LZTS1: variants seen among roughly 807,000 people sequenced by gnomAD.
LZTS1 encodes the protein leucine zipper tumor suppressor 1.
Under a neutral mutation model 45.8 loss-of-function variants are expected in LZTS1, and 31 were observed. That is an observed-to-expected ratio of 0.68 (90% CI 0.51 to 0.91). The LOEUF (loss-of-function observed/expected upper bound fraction) is 0.91, where lower values mean the gene tolerates loss of function less well. LZTS1 is among the 40% of genes least tolerant of loss of function. LZTS1 has a pLI of 0.00. For synonymous variants in LZTS1, 359 were observed against 357.3 expected, an observed-to-expected ratio of 1.00 and a Z score of -0.05; for missense variants, 821 against 788.9, an observed-to-expected ratio of 1.04 and a Z score of -0.49.
rs189313021 is a variant in LZTS1 at position 20,246,718 on chromosome 8, G to T, written c.*3004C>A. 6.6e-6 allele frequency: 1 copy of T among 152,656 alleles called. No homozygotes were observed. 9.5% of individuals were successfully genotyped at this position (152,656 alleles called of 1,614,324 possible). ...ACTGGGAGAGCTAGGAGGGAACCCC[G>T]TGACAGTCCAGTCGTTCCCAGGTCC... On this transcript the variant is annotated 3_prime_UTR_variant, in exon 4 of 4. Coordinates refer to ENST00000381569, the MANE Select transcript of LZTS1 (RefSeq NM_021020.5).
intron 1 of LZTS1, among the ~76,000 whole-genome samples, chr8:20,288,389 C>T (rs1325659194): frequency 6.6e-6 from 1 of 152,166 alleles, no homozygotes; most frequent in Admixed American, 6.5e-5. Context: ...AGGCGATGCG[C>T]AAGTGGAAAC....
At position 20,255,077 on chromosome 8, in the gene LZTS1, G is replaced by A. The variant is rs555616725; in HGVS notation, c.105C>T (p.Asn35=). Residue 35 remains asparagine, a synonymous_variant, in exon 2 of 4, where the codon AAC becomes AAT. Coordinates refer to ENST00000381569, the MANE Select transcript of LZTS1 (RefSeq NM_021020.5). ...LRKSSHLKKL[N]RYSDGLLRFG... ...ACCTCAGCAGCCCGTCGGAATACCGGTTGAGCTTCTTGAGGTGGGAGGACT... is the reference window on the plus strand; with the variant it reads ...ACCTCAGCAGCCCGTCGGAATACCGATTGAGCTTCTTGAGGTGGGAGGACT... 6 of 1,614,214 alleles carry A rather than the reference G, an allele frequency of 3.7e-6. No homozygotes were observed. The African/African-American group carries it at 6.7e-5, about 18-fold the overall frequency.
At chr8:20,266,467 C>G (rs1800357757) in intron 1 of LZTS1, among the ~76,000 whole-genome samples, 1 of 152,186 alleles carries the variant, frequency 6.6e-6, no homozygotes, top group African/African-American at 2.4e-5. Flanking sequence ...GAAGCCAAGT[C>G]TATACTACCA....
intron 1 of LZTS1, among the ~76,000 whole-genome samples, chr8:20,302,101 G>A (rs1410399827): frequency 6.6e-6 from 1 of 152,058 alleles, no homozygotes; most frequent in Non-Finnish European, 1.5e-5. Context: ...TGGGACCTTA[G>A]GGAAAGCCTT....
chr8:20,269,396 G>A (rs1800429635), intron 1 of LZTS1, among the ~76,000 whole-genome samples: 1 of 152,188 alleles, frequency 6.6e-6, no homozygotes, highest in South Asian at 2.1e-4. Context: ...TGGGACTCTG[G>A]AGGCCAGCAT....
At chr8:20,265,178 G>A (rs928673246) in intron 1 of LZTS1, among the ~76,000 whole-genome samples, 14 of 152,220 alleles carry the variant, frequency 9.2e-5, no homozygotes, top group Non-Finnish European at 1.6e-4. Context: ...CCACTGGGGC[G>A]GCATCACCAG....
chr8:20,262,032 G>A (rs138709968), intron 1 of LZTS1, among the ~76,000 whole-genome samples: 4 of 152,322 alleles, frequency 2.6e-5, no homozygotes, highest in East Asian at 1.9e-4. Flanking sequence ...AGCACTCAGC[G>A]GTGAGCTCAC....
chr8:20,254,418 A>T (rs1179723454), intron 2 of LZTS1, among the ~76,000 whole-genome samples: 2 of 152,138 alleles, frequency 1.3e-5, no homozygotes, highest in Non-Finnish European at 2.9e-5. Context: ...ACCCACCCCC[A>T]CGAGTCTCCC....
intron 1 of LZTS1, among the ~76,000 whole-genome samples, chr8:20,302,502 G>A (rs1801097803): frequency 6.6e-6 from 1 of 152,208 alleles, no homozygotes; most frequent in Non-Finnish European, 1.5e-5. Flanking sequence ...GGTACCCGCA[G>A]ACTCTTCTCA....
In LZTS1 at chr8:20,248,182, C is replaced by A. The variant is rs1009757195; in HGVS notation, c.*1540G>T. On this transcript the variant is annotated 3_prime_UTR_variant, in exon 4 of 4. Transcript: ENST00000381569. The stretch of plus-strand genomic sequence containing the variant: ...AAAAAAATGAAAAGTTAGCCAGGCA[C>A]GGTGGCGCGCACCTGTAGTCCCAGC... The A allele has an allele frequency of 1.3e-5, 2 of 152,078 alleles. No homozygotes were observed. The highest frequency in any genetic ancestry group is 4.8e-5 in the African/African-American group (2 of 41,360). The allele number at this position is 152,078 out of a possible 1,614,324, so 9.4% of individuals were successfully genotyped here. A position where few individuals can be genotyped will look rare whatever the true frequency, so the allele number is the denominator to read the frequency against.
Position 20,253,410 on chromosome 8 carries a change from G to T in LZTS1, c.521C>A (p.Ser174Tyr). The change falls in exon 3 of 4, where the codon TCC (serine) becomes TAC (tyrosine). Residue 174 changes from serine (S) to tyrosine (Y), a missense_variant. Coordinates refer to ENST00000381569, the MANE Select transcript of LZTS1 (RefSeq NM_021020.5). Reference sequence around the variant, plus strand: ...CAGGCTGGACATGGAGTTCCGGCCGGAGTCTGACAGCGCCCCAGAGCACAG... The same window carrying T: ...CAGGCTGGACATGGAGTTCCGGCCGTAGTCTGACAGCGCCCCAGAGCACAG... ...PGLCSGALSDSGRNSMSSLPT... is the reference protein window; with the variant it reads ...PGLCSGALSDYGRNSMSSLPT... 1 of 1,612,022 alleles carries T rather than the reference G, an allele frequency of 6.2e-7. No homozygotes were observed.
intron 1 of LZTS1, among the ~76,000 whole-genome samples, chr8:20,274,289 T>C (rs961468690): frequency 1.3e-5 from 2 of 152,226 alleles, no homozygotes; most frequent in African/African-American, 4.8e-5. Context: ...TTATGCATCG[T>C]ATTTTATTTT....
At chr8:20,253,731 C>G in intron 2 of LZTS1, 146 bp from the exon 3 acceptor site, 1 of 577,168 alleles carries the variant, frequency 1.7e-6, no homozygotes, top group Non-Finnish European at 2.9e-6. Flanking sequence ...CTCAGCAGAC[C>G]TTGCCTGTTG....
intron 1 of LZTS1, among the ~76,000 whole-genome samples, chr8:20,300,054 G>C (rs1801048484): frequency 6.6e-6 from 1 of 152,164 alleles, no homozygotes; most frequent in African/African-American, 2.4e-5. Flanking sequence ...TGATTGACCT[G>C]GAGATAGAGT....
At chr8:20,251,133 A>T (rs1417245503) in intron 3 of LZTS1, among the ~76,000 whole-genome samples, 2 of 107,126 alleles carry the variant, frequency 1.9e-5, no homozygotes, top group East Asian at 2.6e-4. Flanking sequence ...ATATATATAT[A>T]TATATATATA....
chr8:20,257,080 T>A (rs563323809), intron 1 of LZTS1, among the ~76,000 whole-genome samples: 9 of 152,110 alleles, frequency 5.9e-5, no homozygotes, highest in Non-Finnish European at 1.3e-4. Context: ...CCAGGCGCAA[T>A]GGCTCAAGCC....
In LZTS1 at chr8:20,249,379, A is replaced by C. The variant is rs732337; in HGVS notation, c.*343T>G. The C allele has an allele frequency of 1.2e-5, 3 of 252,204 alleles. No individual in the cohort carries two copies. The highest frequency in any genetic ancestry group is 6.7e-5 in the African/African-American group (3 of 45,088). The allele number at this position is 252,204 out of a possible 1,614,324, so 15.6% of individuals were successfully genotyped here. A position where few individuals can be genotyped will look rare whatever the true frequency, so the allele number is the denominator to read the frequency against. On this transcript the variant is annotated 3_prime_UTR_variant, in exon 4 of 4. Coordinates refer to ENST00000381569, the MANE Select transcript of LZTS1 (RefSeq NM_021020.5). ...ATGAGAAGCAGAGGGGAGCCGCTGT[A>C]CTTGCTGTGGCCACCTTCCCTGGAG...
At chr8:20,251,098 A>AATACATATATAT (rs1367635822) in intron 3 of LZTS1, among the ~76,000 whole-genome samples, 35 of 41,390 alleles carry the variant, frequency 8.5e-4, no homozygotes, top group African/African-American at 2.3e-3. Context: ...CCTGAGGGCT[A>AATACATATATAT]ATATATATAT....
At chr8:20,263,812 C>T (rs994979093) in intron 1 of LZTS1, among the ~76,000 whole-genome samples, 15 of 152,246 alleles carry the variant, frequency 9.9e-5, no homozygotes, top group African/African-American at 3.4e-4. Context: ...CAGTGTCTCC[C>T]GAAGGCTCGC....
Sources: allele counts gnomAD v4.1 joint callset (sites outside exome capture counted in the v4.1 genomes callset), GRCh38; gene constraint gnomAD v4.1.1; transcripts MANE v1.5; gene names NCBI Gene and HGNC (gene_info 2026-07-23, HGNC 2026-07-21).